Variants in FSTL5 observed in about 807,000 individuals in gnomAD.
The protein encoded by FSTL5 is follistatin-related protein 5.
Under a neutral mutation model 89.1 loss-of-function variants are expected in FSTL5, and 62 were observed. That is an observed-to-expected ratio of 0.70 (90% CI 0.57 to 0.86). FSTL5 has a LOEUF of 0.86. FSTL5 is among the 40% of genes least tolerant of loss of function. FSTL5 has a pLI of 0.00. For synonymous variants in FSTL5, 383 were observed against 346.2 expected, an observed-to-expected ratio of 1.11 and a Z score of -1.18; for missense variants, 1,057 against 1,001.6, an observed-to-expected ratio of 1.06 and a Z score of -0.75.
intron 3 of FSTL5, among the ~76,000 whole-genome samples, chr4:162,019,087 G>A (rs932384877): frequency 6.6e-6 from 1 of 152,028 alleles, no homozygotes; most frequent in Non-Finnish European, 1.5e-5. Context: ...TCACCTATAA[G>A]GAAAGATTTT....
chr4:161,666,032 A>G (rs1320957816), intron 6 of FSTL5, among the ~76,000 whole-genome samples: 20 of 152,166 alleles, frequency 1.3e-4, no homozygotes, highest in Non-Finnish European at 2.8e-4. Context: ...TGAATTCTCC[A>G]TAAAGAAAGT....
chr4:161,484,860 A>G (rs1029669847), intron 12 of FSTL5, among the ~76,000 whole-genome samples: 1 of 152,192 alleles, frequency 6.6e-6, no homozygotes, highest in African/African-American at 2.4e-5. Context: ...TTGATTTGTC[A>G]TAAAAGGTTC....
chr4:162,125,841 A>C (rs548602812), intron 1 of FSTL5, among the ~76,000 whole-genome samples: 51 of 152,204 alleles, frequency 3.4e-4, no homozygotes, highest in African/African-American at 1.2e-3. Flanking sequence ...GATTGCTAAT[A>C]TATTTGAACA....
intron 8 of FSTL5, among the ~76,000 whole-genome samples, chr4:161,585,994 G>A (rs1401417816): frequency 6.6e-6 from 1 of 152,186 alleles, no homozygotes; most frequent in African/African-American, 2.4e-5. Context: ...ATTTTCACCA[G>A]AAACCAAGAA....
At chr4:161,683,294 A>C (rs557400143) in intron 6 of FSTL5, among the ~76,000 whole-genome samples, 1 of 150,454 alleles carries the variant, frequency 6.6e-6, no homozygotes, top group Admixed American at 6.6e-5. Context: ...TGGTAATCTT[A>C]AGGAACCACC....
intron 3 of FSTL5, among the ~76,000 whole-genome samples, chr4:161,990,097 A>G (rs982761274): frequency 1.3e-5 from 2 of 152,180 alleles, no homozygotes; most frequent in African/African-American, 2.4e-5. Context: ...ATGTAAATTT[A>G]AACACTCAAC....
chr4:161,673,968 A>G (rs530795426), intron 6 of FSTL5, among the ~76,000 whole-genome samples: 1 of 152,090 alleles, frequency 6.6e-6, no homozygotes, highest in South Asian at 2.1e-4. Context: ...CCATTTTAAG[A>G]CATAATCAAA....
At chr4:161,538,027 T>C (rs1466280254) in intron 10 of FSTL5, 139 bp downstream of exon 10, 2 of 760,754 alleles carry the variant, frequency 2.6e-6, no homozygotes, top group Non-Finnish European at 4.1e-6. Flanking sequence ...AAGATTTCTA[T>C]CCTTCCTACG....
rs544665728 is a variant in FSTL5, at chr4:162,001,398, T to C, written c.160+32227A>G. Among the ~76,000 whole-genome samples the C allele has an allele frequency of 2.0e-5, 3 of 152,282 alleles. No homozygotes were observed. The South Asian group carries it at 6.2e-4, about 32-fold the overall frequency. On this transcript the variant is annotated intron_variant, in intron 3 of 15. Transcript: ENST00000306100. The stretch of plus-strand genomic sequence containing the variant: ...AAAAACTGTGAAAAGGAGGCATCAT[T>C]GAATAGTAGTCACACAGTCATGAAT...
At chr4:161,699,161 G>A (rs966813300) in intron 6 of FSTL5, among the ~76,000 whole-genome samples, 2 of 152,026 alleles carry the variant, frequency 1.3e-5, no homozygotes, top group Admixed American at 6.6e-5. Flanking sequence ...TAGAATAAGG[G>A]AATTATGATT....
chr4:161,975,810 TA>T (rs1160604538), intron 3 of FSTL5, among the ~76,000 whole-genome samples: 22 of 141,682 alleles, frequency 1.6e-4, no homozygotes, highest in Middle Eastern at 3.6e-3. Context: ...AAAAAATAAA[TA>T]AAAAAAAGAT....
At chr4:161,622,724 G>A (rs183910997) in intron 7 of FSTL5, among the ~76,000 whole-genome samples, 26 of 152,036 alleles carry the variant, frequency 1.7e-4, no homozygotes, top group East Asian at 1.9e-4. Flanking sequence ...AATCTGTTAC[G>A]TAATTCAATA....
In FSTL5 at chr4:161,732,947, T is replaced by A. The variant is rs180761532; in HGVS notation, c.727+26464A>T. ...AATTCTTCAGCTTTTCTTTTTTTTT[T>A]AAAATAACTTTGGTTATTTTATATA... On this transcript the variant is annotated intron_variant, in intron 6 of 15. Transcript: ENST00000306100. 7.5e-3 allele frequency among the ~76,000 whole-genome samples: 1,138 copies of A among 151,926 alleles called. 18 individuals are homozygous for A. The highest frequency in any genetic ancestry group is 0.026 in the African/African-American group (1,070 of 41,526).
chr4:161,666,449 G>A (rs1279134837), intron 6 of FSTL5, among the ~76,000 whole-genome samples: 1 of 152,072 alleles, frequency 6.6e-6, no homozygotes, highest in Non-Finnish European at 1.5e-5. Context: ...GAGTGTAAAT[G>A]TATACATAAA....
chr4:161,793,730 C>T (rs1350756119), intron 4 of FSTL5, among the ~76,000 whole-genome samples: 2 of 151,852 alleles, frequency 1.3e-5, no homozygotes, highest in Admixed American at 1.3e-4. Flanking sequence ...TGCCTCAGCT[C>T]CCAGAGTAGC....
At chr4:161,718,050 T>C (rs1443825216) in intron 6 of FSTL5, among the ~76,000 whole-genome samples, 4 of 152,202 alleles carry the variant, frequency 2.6e-5, no homozygotes, top group Admixed American at 1.3e-4. Context: ...CTTCTGTCTA[T>C]AAAATTCAAC....
chr4:161,415,995 T>C (rs1264864495), intron 15 of FSTL5, among the ~76,000 whole-genome samples: 3 of 152,046 alleles, frequency 2.0e-5, no homozygotes, highest in Non-Finnish European at 4.4e-5. Context: ...TATTTCAGCA[T>C]AGTCAATACA....
chr4:161,398,745 T>C (rs1313311758), intron 15 of FSTL5, among the ~76,000 whole-genome samples: 3 of 152,114 alleles, frequency 2.0e-5, no homozygotes, highest in Non-Finnish European at 4.4e-5. Flanking sequence ...GTAACTTGCA[T>C]GTACAAAATA....
chr4:161,980,764 C>CTTTTT (rs34223215), intron 3 of FSTL5, among the ~76,000 whole-genome samples: 3 of 71,826 alleles, frequency 4.2e-5, no homozygotes, highest in South Asian at 6.7e-4. Flanking sequence ...CTTCAAGTAA[C>CTTTTT]TTTTTTTTTT....
Sources: gnomAD v4.1 joint callset for allele counts (sites outside exome capture counted in the v4.1 genomes callset) on GRCh38, gnomAD v4.1.1 for gene constraint, MANE v1.5 for transcripts, NCBI Gene and HGNC (gene_info 2026-07-23, HGNC 2026-07-21) for gene names.